The following SLC16A7 variants were observed in gnomAD, a reference collection of about 807,000 sequenced individuals.
The protein encoded by SLC16A7 is solute carrier family 16 member 7.
A neutral mutation model predicts 34.9 loss-of-function variants in SLC16A7; 33 were observed. The observed-to-expected ratio is 0.94, with a 90% confidence interval of 0.72 to 1.26. The LOEUF is 1.26. Ranked by LOEUF, SLC16A7 falls within the 50% of genes most tolerant of loss-of-function variation. The pLI is 0.00. For synonymous variants in SLC16A7, 201 were observed against 206.6 expected, an observed-to-expected ratio of 0.97 and a Z score of 0.23; for missense variants, 573 against 578.1, an observed-to-expected ratio of 0.99 and a Z score of 0.09.
At chr12:59,611,911 C>T (rs1198319772) in intron 1 of SLC16A7, among the ~76,000 whole-genome samples, 1 of 152,240 alleles carries the variant, frequency 6.6e-6, no homozygotes, top group African/African-American at 2.4e-5. Flanking sequence ...GGCAGCTCCT[C>T]ACCTGTGGCT....
intron 3 of SLC16A7, among the ~76,000 whole-genome samples, chr12:59,727,598 A>C (rs1876440766): frequency 6.6e-6 from 1 of 152,212 alleles, no homozygotes; most frequent in Non-Finnish European, 1.5e-5. Context: ...TGTTGTAAGA[A>C]TTAGCCATCT....
rs905830173 is a variant in SLC16A7 at position 59,703,374 on chromosome 12, C to A, written c.-30-1398C>A. ...ATGGTAGGTGCATTTATCATTTATA[C>A]CTCTACTTCCTATAAAAGAGTAATT... On this transcript the variant is annotated intron_variant, in intron 2 of 5. Coordinates refer to ENST00000547379, the MANE Select transcript of SLC16A7 (RefSeq NM_001270623.2). Among the ~76,000 whole-genome samples, 3 of 152,050 alleles carry A rather than the reference C, an allele frequency of 2.0e-5. No homozygotes were observed. In the South Asian group the frequency reaches 6.2e-4, roughly 32 times the overall value.
chr12:59,661,650 T>C (rs1338176082), intron 2 of SLC16A7, among the ~76,000 whole-genome samples: 1 of 152,136 alleles, frequency 6.6e-6, no homozygotes, highest in African/African-American at 2.4e-5. Flanking sequence ...TTTCCAATAA[T>C]TCTTTTCCAT....
intron 3 of SLC16A7, among the ~76,000 whole-genome samples, chr12:59,730,487 A>G (rs1226872472): frequency 6.6e-6 from 1 of 152,064 alleles, no homozygotes; most frequent in Non-Finnish European, 1.5e-5. Flanking sequence ...TTATTGTTAC[A>G]TAGTATAGTT....
chr12:59,735,002 A>G (rs943204053), intron 3 of SLC16A7, among the ~76,000 whole-genome samples: 3 of 152,204 alleles, frequency 2.0e-5, no homozygotes, highest in Admixed American at 1.3e-4. Flanking sequence ...TAACTAAATC[A>G]TCTTGAAAAG....
chr12:59,714,792 T>A (rs755646785), intron 3 of SLC16A7, among the ~76,000 whole-genome samples: 9 of 152,160 alleles, frequency 5.9e-5, no homozygotes, highest in Non-Finnish European at 1.3e-4. Flanking sequence ...CTTGAACTCC[T>A]GACCTCAGGT....
intron 2 of SLC16A7, among the ~76,000 whole-genome samples, chr12:59,672,172 G>A (rs147954093): frequency 2.2e-5 from 2 of 90,168 alleles, no homozygotes; most frequent in African/African-American, 8.7e-5. Context: ...GTATATATAT[G>A]TGTATATATG....
intron 3 of SLC16A7, among the ~76,000 whole-genome samples, chr12:59,735,134 C>T (rs1877440138): frequency 6.6e-6 from 1 of 152,152 alleles, no homozygotes; most frequent in South Asian, 2.1e-4. Flanking sequence ...AAATAGTACA[C>T]CACTACTAGG....
rs1040452450 is a variant in SLC16A7 at position 59,654,282 on chromosome 12, T to C, written c.-129-870T>C. Among the ~76,000 whole-genome samples, 3 of 151,256 alleles carry C rather than the reference T, an allele frequency of 2.0e-5. No individual in the cohort carries two copies. In the East Asian group the frequency reaches 5.8e-4, roughly 29 times the overall value. On this transcript the variant is annotated intron_variant, in intron 1 of 5. Transcript: ENST00000547379. ...TATTAATACTTAATAATATTAACTA[T>C]TAATAACAATTATTATAATCAATAA...
chr12:59,636,951 C>T (rs1436351241), intron 1 of SLC16A7, among the ~76,000 whole-genome samples: 3 of 152,052 alleles, frequency 2.0e-5, no homozygotes, highest in African/African-American at 7.2e-5. Context: ...CCATTATGGG[C>T]CTGTAGAAGT....
intron 1 of SLC16A7, among the ~76,000 whole-genome samples, chr12:59,631,568 A>T (rs1880185377): frequency 6.6e-6 from 1 of 152,044 alleles, no homozygotes; most frequent in African/African-American, 2.4e-5. Context: ...GTTCCAGGGT[A>T]CATGTGCAGG....
intron 1 of SLC16A7, among the ~76,000 whole-genome samples, chr12:59,610,787 C>A (rs1383972227): frequency 6.6e-6 from 1 of 152,204 alleles, no homozygotes; most frequent in Non-Finnish European, 1.5e-5. Flanking sequence ...ATACACTGTT[C>A]TGAAATACAT....
At chr12:59,642,589 A>G (rs1880734420) in intron 1 of SLC16A7, among the ~76,000 whole-genome samples, 1 of 152,082 alleles carries the variant, frequency 6.6e-6, no homozygotes. Context: ...ATGAAGATGG[A>G]TCTGATTCTT....
intron 2 of SLC16A7, among the ~76,000 whole-genome samples, chr12:59,702,150 T>G (rs1464523445): frequency 6.6e-6 from 1 of 151,920 alleles, no homozygotes; most frequent in Admixed American, 6.6e-5. Context: ...AATATATAGA[T>G]TCAGATTCTT....
In SLC16A7 at chr12:59,694,474, T is replaced by A. The variant is rs140685145; in HGVS notation, c.-30-10298T>A. ...GTCACTGCAATATATGCCTTAAATATATCCACATCCAAAAGTTTGCTCCTG... is the reference window on the plus strand; with the variant it reads ...GTCACTGCAATATATGCCTTAAATAAATCCACATCCAAAAGTTTGCTCCTG... On this transcript the variant is annotated intron_variant, in intron 2 of 5. Coordinates refer to ENST00000547379, the MANE Select transcript of SLC16A7 (RefSeq NM_001270623.2). 7.4e-4 allele frequency among the ~76,000 whole-genome samples: 113 copies of A among 152,102 alleles called. 2 individuals carry two copies. The East Asian group carries it at 0.014, about 18-fold the overall frequency.
chr12:59,631,381 G>A (rs549024208), intron 1 of SLC16A7, among the ~76,000 whole-genome samples: 5 of 152,014 alleles, frequency 3.3e-5, no homozygotes, highest in Non-Finnish European at 1.5e-5. Context: ...GCTAGGAAAA[G>A]AGCATTGGTA....
chr12:59,612,316 G>A (rs1392198628), intron 1 of SLC16A7, among the ~76,000 whole-genome samples: 11 of 152,192 alleles, frequency 7.2e-5, no homozygotes, highest in Admixed American at 6.5e-4. Context: ...ATCTAAAGCA[G>A]TGGCTTGAGC....
In SLC16A7 at chr12:59,704,901, T is replaced by A; in HGVS notation, c.100T>A (p.Tyr34Asn). The A allele has an allele frequency of 6.2e-7, 1 of 1,613,556 alleles. No individual in the cohort carries two copies. Among genetic ancestry groups the A allele is most frequent in the Non-Finnish European group, 8.5e-7 (1 of 1,179,560 alleles). Residue 34 changes from tyrosine (Y) to asparagine (N), a missense_variant, in exon 3 of 6, where the codon TAT (tyrosine) becomes AAT (asparagine). By Grantham distance (143) the Tyr-to-Asn change is moderately radical (BLOSUM62 -2). Coordinates refer to ENST00000547379, the MANE Select transcript of SLC16A7 (RefSeq NM_001270623.2). ...AGCTTTTATCTCCATTGGATTTTCC[T>A]ATGCATTCCCCAAAGCTGTCACCGT... is the stretch of plus-strand genomic sequence containing the variant. ...GAAFISIGFSYAFPKAVTVFF... is the reference protein window; with the variant it reads ...GAAFISIGFSNAFPKAVTVFF...
At chr12:59,708,399 G>A (rs1466608593) in intron 3 of SLC16A7, among the ~76,000 whole-genome samples, 1 of 151,858 alleles carries the variant, frequency 6.6e-6, no homozygotes, top group Non-Finnish European at 1.5e-5. Context: ...ACAACACAGG[G>A]GTTCACTGTT....
Sources: gnomAD v4.1 joint callset for allele counts (sites outside exome capture counted in the v4.1 genomes callset) on GRCh38, gnomAD v4.1.1 for gene constraint, MANE v1.5 for transcripts, NCBI Gene and HGNC (gene_info 2026-07-23, HGNC 2026-07-21) for gene names.